Variants in TACC1 observed in about 807,000 individuals in gnomAD.
The protein encoded by TACC1 is transforming acidic coiled-coil-containing protein 1.
In TACC1, 48 loss-of-function variants were observed where a neutral mutation model predicts 84.4. That is an observed-to-expected ratio of 0.57 (90% CI 0.45 to 0.72). The LOEUF (loss-of-function observed/expected upper bound fraction) is 0.72, where lower values mean the gene tolerates loss of function less well. TACC1 is among the 30% of genes least tolerant of loss of function. The pLI, the probability that TACC1 is intolerant of heterozygous loss-of-function variation, is 0.00. For missense variants in TACC1, 920 were observed against 973.0 expected (o/e 0.95, Z 0.72); for synonymous variants, 372 against 376.3 (o/e 0.99, Z 0.13).
chr8:38,841,745 C>T (rs1325594563), intron 9 of TACC1, among the ~76,000 whole-genome samples: 1 of 152,142 alleles, frequency 6.6e-6, no homozygotes, highest in Non-Finnish European at 1.5e-5. Context: ...GGTTCTTACT[C>T]TAGTGCAGAT....
At chr8:38,778,835 T>C (rs1027136613) in intron 3 of TACC1, among the ~76,000 whole-genome samples, 2 of 152,128 alleles carry the variant, frequency 1.3e-5, no homozygotes, top group Non-Finnish European at 2.9e-5. Context: ...AAAGGAAGTA[T>C]AGCGAAAGAG....
At chr8:38,817,687 A>T (rs1428367489) in intron 2 of TACC1, among the ~76,000 whole-genome samples, 1 of 152,126 alleles carries the variant, frequency 6.6e-6, no homozygotes, top group Non-Finnish European at 1.5e-5. Flanking sequence ...TTAATTGGAC[A>T]TTTGTAGAAT....
intron 2 of TACC1, among the ~76,000 whole-genome samples, chr8:38,806,480 G>A (rs1822750912): frequency 6.6e-6 from 1 of 151,952 alleles, no homozygotes; most frequent in Non-Finnish European, 1.5e-5. Flanking sequence ...GTGTGTGAGA[G>A]AGAGAGAAAG....
chr8:38,751,109 G>A (rs1449846986), intron 3 of TACC1, among the ~76,000 whole-genome samples: 5 of 152,128 alleles, frequency 3.3e-5, no homozygotes, highest in Non-Finnish European at 5.9e-5. Flanking sequence ...ATTTCCAAAT[G>A]AGGAGAGATG....
intron 11 of TACC1, chr8:38,843,669 T>A: frequency 4.6e-6 from 1 of 215,804 alleles, no homozygotes. Flanking sequence ...TTTTCTTTTT[T>A]ATATGATTAT....
At position 38,842,451 on chromosome 8, in the gene TACC1, G is replaced by C. The variant is rs762859695; in HGVS notation, c.2121+4G>C. On this transcript the variant is annotated splice_donor_region_variant and intron_variant, in intron 10 of 12. Coordinates refer to ENST00000317827, the MANE Select transcript of TACC1 (RefSeq NM_006283.3). ...TGTTCTGGAAGGGTTCAAGAAGGTA[G>C]AGTGTTTTTTCCCTCTGTCTCCTGG... 2.4e-5 allele frequency: 39 copies of C among 1,601,436 alleles called. No homozygotes were observed. The highest frequency in any genetic ancestry group is 3.3e-5 in the Non-Finnish European group (39 of 1,175,068).
chr8:38,833,519 G>A (rs1415919849), intron 6 of TACC1, among the ~76,000 whole-genome samples: 3 of 152,184 alleles, frequency 2.0e-5, no homozygotes, highest in African/African-American at 2.4e-5. Context: ...AGAGGAGAGT[G>A]GCTGGGGAGA....
chr8:38,762,300 C>T (rs948167234), intron 3 of TACC1, among the ~76,000 whole-genome samples: 7 of 152,070 alleles, frequency 4.6e-5, no homozygotes, highest in African/African-American at 1.4e-4. Context: ...CCCCAGCCCC[C>T]GGCACCCACC....
intron 9 of TACC1, among the ~76,000 whole-genome samples, chr8:38,842,007 A>G (rs1831371574): frequency 6.6e-6 from 1 of 152,062 alleles, no homozygotes; most frequent in African/African-American, 2.4e-5. Context: ...TGTATGGCTC[A>G]CATCCTCATT....
chr8:38,843,430 T>C (rs547358658), intron 11 of TACC1, 35 bp downstream of exon 11: 22 of 1,508,704 alleles, frequency 1.5e-5, no homozygotes, highest in Middle Eastern at 3.4e-4. Context: ...TCACTCTTCA[T>C]GATGTTGTGG....
intron 3 of TACC1, among the ~76,000 whole-genome samples, chr8:38,755,395 A>G (rs1809809027): frequency 6.6e-6 from 1 of 152,156 alleles, no homozygotes; most frequent in Non-Finnish European, 1.5e-5. Context: ...GCACTAAGCT[A>G]GAATACAGAG....
At chr8:38,789,370 C>T (rs895898852) in intron 2 of TACC1, among the ~76,000 whole-genome samples, 3 of 152,186 alleles carry the variant, frequency 2.0e-5, no homozygotes, top group Non-Finnish European at 2.9e-5. Context: ...TCCGTTGTCT[C>T]ACTTAATTAG....
intron 3 of TACC1, among the ~76,000 whole-genome samples, chr8:38,762,938 C>T (rs1811509801): frequency 6.6e-6 from 1 of 152,106 alleles, no homozygotes. Context: ...GGAGTATAAA[C>T]CTAGGAGCTG....
chr8:38,773,202 C>T (rs954901858), intron 3 of TACC1, among the ~76,000 whole-genome samples: 7 of 151,536 alleles, frequency 4.6e-5, no homozygotes, highest in East Asian at 1.9e-4. Context: ...GGCGGGCACC[C>T]GTAATTCTAG....
At chr8:38,740,961 C>T (rs1376922172) in intron 1 of TACC1, among the ~76,000 whole-genome samples, 2 of 152,158 alleles carry the variant, frequency 1.3e-5, no homozygotes, top group Non-Finnish European at 2.9e-5. Context: ...CTCTCTCTGG[C>T]TCGCGAGTAT....
At chr8:38,756,679 A>T (rs1026497416) in intron 3 of TACC1, among the ~76,000 whole-genome samples, 1 of 152,244 alleles carries the variant, frequency 6.6e-6, no homozygotes, top group African/African-American at 2.4e-5. Flanking sequence ...GATAAAGAAA[A>T]CAAGACTCAG....
Position 38,820,509 on chromosome 8 carries a change from T to C in TACC1, c.1265T>C (p.Phe422Ser), listed in dbSNP as rs773018379. The part of the protein sequence containing the change: ...EGSYHFDPDN[F>S]DESMDPFKPT... ...TCCTACCACTTTGACCCAGATAACT[T>C]TGACGAATCCATGGATCCCTTTAAA... The change falls in exon 3 of 13, where the codon TTT (phenylalanine) becomes TCT (serine). Residue 422 changes from phenylalanine to serine, a missense_variant. Physicochemically the swap from Phe to Ser is radical, Grantham distance 155. Transcript: ENST00000317827. 1 of 1,614,188 alleles carries C rather than the reference T, an allele frequency of 6.2e-7. No individual in the cohort carries two copies. The highest frequency in any genetic ancestry group is 8.5e-7 in the Non-Finnish European group (1 of 1,180,034).
At chr8:38,747,944 T>C (rs906549992) in intron 3 of TACC1, among the ~76,000 whole-genome samples, 1 of 152,122 alleles carries the variant, frequency 6.6e-6, no homozygotes, top group African/African-American at 2.4e-5. Context: ...GGAGGCCATA[T>C]GTGTAGGGGT....
chr8:38,841,652 A>G (rs977343633), intron 9 of TACC1, among the ~76,000 whole-genome samples: 1 of 152,198 alleles, frequency 6.6e-6, no homozygotes, highest in Non-Finnish European at 1.5e-5. Context: ...ATTTTAGAAG[A>G]TGGCAGGCCT....
Sources: allele counts gnomAD v4.1 joint callset (sites outside exome capture counted in the v4.1 genomes callset), GRCh38; gene constraint gnomAD v4.1.1; transcripts MANE v1.5; gene names NCBI Gene and HGNC (gene_info 2026-07-23, HGNC 2026-07-21).